Variants in LRFN5 observed in about 807,000 individuals in gnomAD.
LRFN5 encodes leucine-rich repeat and fibronectin type-III domain-containing protein 5.
A neutral mutation model predicts 45.6 loss-of-function variants in LRFN5; 24 were observed. The observed-to-expected ratio is 0.53, with a 90% CI of 0.38 to 0.74. LRFN5 has a LOEUF of 0.74. Among genes scored for constraint, LRFN5 ranks in the 30% least tolerant of loss-of-function variants. LRFN5 has a pLI of 0.00. For missense variants in LRFN5, 776 were observed against 861.5 expected (o/e 0.90, Z 1.24); for synonymous variants, 340 against 313.8 (o/e 1.08, Z -0.88).
intron 2 of LRFN5, among the ~76,000 whole-genome samples, chr14:41,794,579 A>G (rs1887051901): frequency 6.6e-6 from 1 of 152,088 alleles, no homozygotes; most frequent in Admixed American, 6.6e-5. Flanking sequence ...GCATAAAGGA[A>G]TACAGAAAAG....
At chr14:41,720,639 C>A (rs1371200416) in intron 1 of LRFN5, among the ~76,000 whole-genome samples, 1 of 152,032 alleles carries the variant, frequency 6.6e-6, no homozygotes, top group Admixed American at 6.6e-5. Flanking sequence ...TCATTGTTTA[C>A]TCAGAAGTTA....
chr14:41,707,026 T>G (rs1289251334), intron 1 of LRFN5, among the ~76,000 whole-genome samples: 1 of 152,166 alleles, frequency 6.6e-6, no homozygotes, highest in African/African-American at 2.4e-5. Context: ...GTGCACTTGC[T>G]CCCTCCCTTT....
chr14:41,743,438 G>A (rs937985857), intron 1 of LRFN5, among the ~76,000 whole-genome samples: 1 of 152,060 alleles, frequency 6.6e-6, no homozygotes, highest in Admixed American at 6.6e-5. Flanking sequence ...AAATAAAGAC[G>A]CAGTGCTTGA....
chr14:41,735,043 C>T (rs148192903), intron 1 of LRFN5, among the ~76,000 whole-genome samples: 112 of 152,082 alleles, frequency 7.4e-4, no homozygotes, highest in African/African-American at 2.1e-3. Flanking sequence ...AAACCATCAT[C>T]GTAAATATTT....
intron 1 of LRFN5, among the ~76,000 whole-genome samples, chr14:41,683,636 AT>A (rs1278751795): frequency 5.9e-5 from 9 of 152,158 alleles, no homozygotes; most frequent in African/African-American, 1.9e-4. Flanking sequence ...AATCAGTAGC[AT>A]TTCTATATGC....
At chr14:41,893,787 C>T (rs773222261) in intron 4 of LRFN5, 35 of 985,016 alleles carry the variant, frequency 3.6e-5, no homozygotes, top group African/African-American at 1.7e-5. Context: ...TTATTTTAGG[C>T]GTTTGCTAAA....
intron 1 of LRFN5, among the ~76,000 whole-genome samples, chr14:41,674,475 C>T (rs1472887813): frequency 6.9e-6 from 1 of 144,432 alleles, no homozygotes; most frequent in African/African-American, 2.6e-5. Context: ...CCCCTCACCT[C>T]CCGGACGGGG....
chr14:41,670,256 G>GATATAT (rs1165968461), intron 1 of LRFN5, among the ~76,000 whole-genome samples: 36 of 45,740 alleles, frequency 7.9e-4, no homozygotes, highest in South Asian at 2.2e-3. Context: ...CATACACACA[G>GATATAT]ATATATATAT....
chr14:41,678,691 A>G (rs1350597371), intron 1 of LRFN5, among the ~76,000 whole-genome samples: 1 of 152,192 alleles, frequency 6.6e-6, no homozygotes, highest in Non-Finnish European at 1.5e-5. Context: ...GCAGAGCAAG[A>G]TGTCTGAATA....
At chr14:41,624,882 A>G (rs1183191302) in intron 1 of LRFN5, among the ~76,000 whole-genome samples, 2 of 152,066 alleles carry the variant, frequency 1.3e-5, no homozygotes, top group East Asian at 3.9e-4. Context: ...TTTGGATTAA[A>G]TAATGTCCCT....
At chr14:41,789,569 A>C (rs1886845078) in intron 2 of LRFN5, among the ~76,000 whole-genome samples, 1 of 151,894 alleles carries the variant, frequency 6.6e-6, no homozygotes, top group African/African-American at 2.4e-5. Context: ...TGGTATTTCT[A>C]CAAAGGCTAC....
At chr14:41,749,931 A>G (rs1245586682) in intron 1 of LRFN5, among the ~76,000 whole-genome samples, 3 of 152,178 alleles carry the variant, frequency 2.0e-5, no homozygotes, top group African/African-American at 7.2e-5. Flanking sequence ...CAACTAGCAC[A>G]TATTTAAATA....
chr14:41,637,948 G>GTC (rs1356047000), intron 1 of LRFN5, among the ~76,000 whole-genome samples: 2 of 152,066 alleles, frequency 1.3e-5, no homozygotes, highest in African/African-American at 4.8e-5. Flanking sequence ...TGTACTTTCT[G>GTC]TTTAGTCCCT....
chr14:41,768,030 A>G (rs1885949587), intron 2 of LRFN5, among the ~76,000 whole-genome samples: 2 of 152,136 alleles, frequency 1.3e-5, no homozygotes, highest in Non-Finnish European at 2.9e-5. Flanking sequence ...TTTATATAGA[A>G]CAAAAGTTTG....
intron 1 of LRFN5, among the ~76,000 whole-genome samples, chr14:41,752,156 G>T (rs192129006): frequency 4.9e-4 from 74 of 152,194 alleles, no homozygotes; most frequent in African/African-American, 1.6e-3. Context: ...TCTTAATCCA[G>T]TCTATCATTT....
At chr14:41,872,355 T>A (rs533385125) in intron 2 of LRFN5, among the ~76,000 whole-genome samples, 1 of 152,342 alleles carries the variant, frequency 6.6e-6, no homozygotes, top group African/African-American at 2.4e-5. Flanking sequence ...CATATAGACT[T>A]GAATGCATGC....
At chr14:41,661,105 T>C (rs532405973) in intron 1 of LRFN5, among the ~76,000 whole-genome samples, 4 of 151,588 alleles carry the variant, frequency 2.6e-5, no homozygotes, top group African/African-American at 9.7e-5. Flanking sequence ...TTCTTTCAAC[T>C]TACCAACACA....
intron 1 of LRFN5, among the ~76,000 whole-genome samples, chr14:41,650,829 A>G (rs1880076444): frequency 6.7e-6 from 1 of 148,582 alleles, no homozygotes. Flanking sequence ...AAGTAAAAGT[A>G]GACATGATAG....
At chr14:41,689,464 TA>T (rs1882268446) in intron 1 of LRFN5, among the ~76,000 whole-genome samples, 1 of 152,086 alleles carries the variant, frequency 6.6e-6, no homozygotes, top group South Asian at 2.1e-4. Context: ...AGAATGCTAT[TA>T]AAAGCTTATG....
Sources: allele counts gnomAD v4.1 joint callset (sites outside exome capture counted in the v4.1 genomes callset), GRCh38; gene constraint gnomAD v4.1.1; transcripts MANE v1.5; gene names NCBI Gene and HGNC (gene_info 2026-07-23, HGNC 2026-07-21).